Variants in TST observed in about 807,000 individuals in gnomAD.
The protein encoded by TST is thiosulfate sulfurtransferase.
TST carries 22 observed loss-of-function variants against 20.4 expected under a neutral mutation model. That is an observed-to-expected ratio of 1.08 (90% confidence interval 0.77 to 1.54). The LOEUF is 1.54. Ranked by LOEUF, TST falls within the 40% of genes most tolerant of loss-of-function variation. The probability of loss-of-function intolerance (pLI) is 0.00; values close to 1 mark genes in which losing one functional copy is unlikely to be tolerated. For missense variants in TST, 392 were observed against 405.2 expected, an observed-to-expected ratio of 0.97 and a Z score of 0.28; for synonymous variants, 187 against 173.8, an observed-to-expected ratio of 1.08 and a Z score of -0.60.
chr22:37,016,569 T>A (rs1384693683), intron 2 of TST, among the ~76,000 whole-genome samples: 1 of 152,112 alleles, frequency 6.6e-6, no homozygotes, highest in Admixed American at 6.5e-5. Flanking sequence ...CTCCAAGCTG[T>A]CCCTTCCACT....
At chr22:37,011,871 G>T (rs115228180) in intron 2 of TST, among the ~76,000 whole-genome samples, 1 of 152,140 alleles carries the variant, frequency 6.6e-6, no homozygotes, top group Non-Finnish European at 1.5e-5. Context: ...AGATGAATCC[G>T]CTGAGTCTTG....
chr22:37,018,835 GCT>G (rs1922825105), intron 1 of TST, 82 bp from the exon 2 acceptor site: 6 of 980,388 alleles, frequency 6.1e-6, no homozygotes, highest in Non-Finnish European at 7.1e-6. Flanking sequence ...CCTGGGAGAA[GCT>G]CTTTCTCCCT....
rs1290813787 is a variant in TST at position 37,018,642 on chromosome 22, C to G, written c.91G>C (p.Val31Leu). ...RTGKLGPGLR[V>L]LDASWYSPGT... ...GGTGAGTACCAGGACGCGTCCAGCA[C>G]CCGCAGGCCGGGCCCCAGCTTGCCA... The change falls in exon 2 of 3, where the codon GTG becomes CTG. Residue 31 changes from valine (V) to leucine (L), a missense_variant. By Grantham distance (32) the Val-to-Leu change is conservative. Transcript: ENST00000249042. The G allele has an allele frequency of 6.4e-7, 1 of 1,568,664 alleles. No homozygotes were observed. Among genetic ancestry groups the G allele is most frequent in the African/African-American group, 1.4e-5 (1 of 74,058 alleles).
chr22:37,015,081 A>T (rs980608655), intron 2 of TST, among the ~76,000 whole-genome samples: 2 of 152,126 alleles, frequency 1.3e-5, no homozygotes, highest in Non-Finnish European at 2.9e-5. Context: ...CCCCACCCAC[A>T]GCAGTAGCCT....
chr22:37,017,237 A>G lies in TST; in HGVS notation c.595+901T>C, dbSNP rs573670501. Among the ~76,000 whole-genome samples the G allele has an allele frequency of 1.4e-4, 21 of 152,268 alleles. No homozygotes were observed. The South Asian group carries it at 4.1e-3, about 30-fold the overall frequency. ...AGGTTCTGTCTGGCTAGGAGGTTCT[A>G]GAACTCAGCATTTCCTCTCCTGAGG... On this transcript the variant is annotated intron_variant, in intron 2 of 2. Transcript: ENST00000249042.
At chr22:37,014,897 C>T (rs981022762) in intron 2 of TST, among the ~76,000 whole-genome samples, 3 of 152,138 alleles carry the variant, frequency 2.0e-5, no homozygotes, top group Non-Finnish European at 4.4e-5. Context: ...GAAGGCAACC[C>T]CTTAACCCTA....
At position 37,011,123 on chromosome 22, in the gene TST, C is replaced by T. The variant is rs1468754630; in HGVS notation, c.798G>A (p.Lys266=). The T allele has an allele frequency of 1.2e-6, 2 of 1,613,602 alleles. No individual in the cohort carries two copies. Among genetic ancestry groups the T allele is most frequent in the African/African-American group, 1.3e-5 (1 of 74,926 alleles). Residue 266 remains lysine, a synonymous_variant, in exon 3 of 3, where the codon AAG becomes AAA. Transcript: ENST00000249042. ...HVALAAYLCG[K]PDVAVYDGSW... is the part of the protein sequence containing the mutation. ...AGCCATCGTACACGGCCACATCAGG[C>T]TTGCCGCAGAGGTAGGCAGCCAAGG...
intron 2 of TST, among the ~76,000 whole-genome samples, chr22:37,017,718 G>T (rs1307538831): frequency 1.3e-5 from 2 of 152,158 alleles, no homozygotes; most frequent in Non-Finnish European, 1.5e-5. Flanking sequence ...TGTCTATAAG[G>T]GTTTCTGCGG....
intron 2 of TST, chr22:37,013,175 C>G (rs1922544925): frequency 6.6e-6 from 1 of 152,234 alleles, no homozygotes; most frequent in Non-Finnish European, 1.5e-5. Flanking sequence ...TGTCCTGGTC[C>G]TTTCACCCCG....
chr22:37,012,203 G>A (rs1273311013), intron 2 of TST, among the ~76,000 whole-genome samples: 1 of 152,220 alleles, frequency 6.6e-6, no homozygotes, highest in Non-Finnish European at 1.5e-5. Context: ...CCCATGGAGG[G>A]GGTAGGGGGA....
chr22:37,011,865 G>C (rs1922491295), intron 2 of TST, among the ~76,000 whole-genome samples: 1 of 152,202 alleles, frequency 6.6e-6, no homozygotes, highest in Non-Finnish European at 1.5e-5. Context: ...TTTTACAGAT[G>C]AATCCGCTGA....
At position 37,018,652 on chromosome 22, in the gene TST, G is replaced by T. The variant is rs754243002; in HGVS notation, c.81C>A (p.Pro27=). 6.4e-6 allele frequency: 10 copies of T among 1,562,760 alleles called. No homozygotes were observed. The highest frequency in any genetic ancestry group is 1.4e-5 in the African/African-American group (1 of 73,810). ...AGGACGCGTCCAGCACCCGCAGGCC[G>T]GGCCCCAGCTTGCCAGTCCTGATGG... is the stretch of plus-strand genomic sequence containing the variant. ...AESIRTGKLG[P]GLRVLDASWY... Residue 27 remains proline (P), a synonymous_variant, in exon 2 of 3, where the codon CCC becomes CCA. Coordinates refer to ENST00000249042, the MANE Select transcript of TST (RefSeq NM_003312.6).
At chr22:37,011,666 G>A (rs773335507) in intron 2 of TST, among the ~76,000 whole-genome samples, 29 of 152,128 alleles carry the variant, frequency 1.9e-4, no homozygotes, top group Non-Finnish European at 3.7e-4. Flanking sequence ...TGTAAAATGG[G>A]CTCAGTGGTA....
At chr22:37,019,032 G>A in intron 1 of TST, 1 of 339,198 alleles carries the variant, frequency 2.9e-6, no homozygotes, top group African/African-American at 2.1e-5. Flanking sequence ...CTGGGGCGGG[G>A]ATCTGGCTCC....
intron 2 of TST, among the ~76,000 whole-genome samples, chr22:37,017,168 G>T (rs1423909497): frequency 1.3e-5 from 2 of 152,212 alleles, no homozygotes; most frequent in Non-Finnish European, 2.9e-5. Context: ...AGGAGTGATG[G>T]CAGCGAGACG....
At chr22:37,016,508 G>T (rs1179695153) in intron 2 of TST, among the ~76,000 whole-genome samples, 2 of 152,116 alleles carry the variant, frequency 1.3e-5, no homozygotes, top group African/African-American at 4.8e-5. Context: ...CTCCTCCTCT[G>T]AGCCTCAGTT....
intron 2 of TST, among the ~76,000 whole-genome samples, chr22:37,016,078 G>A (rs1208394297): frequency 1.3e-5 from 2 of 151,364 alleles, no homozygotes; most frequent in African/African-American, 4.9e-5. Flanking sequence ...CAAGTAGCTA[G>A]GATTACAGGC....
At chr22:37,019,744 G>A, upstream of TST, 1 of 524,546 alleles carries the variant, frequency 1.9e-6, no homozygotes, top group East Asian at 3.5e-5. Context: ...GGTGGGCTGT[G>A]CCGGAGTCTC....
intron 2 of TST, among the ~76,000 whole-genome samples, chr22:37,014,813 G>A (rs557269923): frequency 1.3e-5 from 2 of 152,284 alleles, no homozygotes; most frequent in South Asian, 4.2e-4. Context: ...ACTGGTAGGT[G>A]TGGATTTTTA....
Sources: gnomAD v4.1 joint callset for allele counts (sites outside exome capture counted in the v4.1 genomes callset) on GRCh38, gnomAD v4.1.1 for gene constraint, MANE v1.5 for transcripts, NCBI Gene and HGNC (gene_info 2026-07-23, HGNC 2026-07-21) for gene names.